Variants in SCHIP1 observed in about 807,000 individuals in gnomAD.
The protein encoded by SCHIP1 is schwannomin-interacting protein 1.
In SCHIP1, 8 loss-of-function variants were observed where a neutral mutation model predicts 29.7. The observed-to-expected ratio is 0.27, with a 90% confidence interval of 0.16 to 0.49. SCHIP1 has a LOEUF of 0.49. Among genes scored for constraint, SCHIP1 ranks in the 20% least tolerant of loss-of-function variants. SCHIP1 has a pLI of 0.99. For missense variants in SCHIP1, 193 were observed against 294.6 expected (o/e 0.66, Z 2.52); for synonymous variants, 76 against 94.9 (o/e 0.80, Z 1.16).
the SCHIP1 span, among the ~76,000 whole-genome samples, chr3:159,635,499 ATATAAT>A: frequency 2.0e-5 from 3 of 152,196 alleles, no homozygotes; most frequent in African/African-American, 7.2e-5. Flanking sequence ...CCTGCCTGTA[ATATAAT>A]TATAATATAG....
the SCHIP1 span, among the ~76,000 whole-genome samples, chr3:159,683,902 T>C: frequency 6.6e-6 from 1 of 151,792 alleles, no homozygotes; most frequent in East Asian, 1.9e-4. Flanking sequence ...AAGACTTTGT[T>C]TCCTTTGTGT....
the SCHIP1 span, among the ~76,000 whole-genome samples, chr3:159,695,247 C>G: frequency 6.6e-6 from 1 of 152,176 alleles, no homozygotes; most frequent in East Asian, 1.9e-4. Flanking sequence ...TTCAATCAGG[C>G]CATTCTCAGT....
chr3:159,639,040 A>G, the SCHIP1 span, among the ~76,000 whole-genome samples: 1 of 152,126 alleles, frequency 6.6e-6, no homozygotes, highest in Non-Finnish European at 1.5e-5. Flanking sequence ...ATCTTTTGTA[A>G]TTCTCAACTG....
chr3:159,701,225 T>C, the SCHIP1 span, among the ~76,000 whole-genome samples: 1 of 152,218 alleles, frequency 6.6e-6, no homozygotes, highest in African/African-American at 2.4e-5. Flanking sequence ...CATTCAACTC[T>C]AACATTTTTG....
At chr3:159,782,943 A>G in the SCHIP1 span, among the ~76,000 whole-genome samples, 1 of 152,208 alleles carries the variant, frequency 6.6e-6, no homozygotes, top group East Asian at 1.9e-4. Flanking sequence ...CGATAGCTTC[A>G]TCTGCGGCAG....
At chr3:159,717,857 G>C in the SCHIP1 span, among the ~76,000 whole-genome samples, 1 of 152,198 alleles carries the variant, frequency 6.6e-6, no homozygotes, top group Admixed American at 6.5e-5. Context: ...AGAAAAAGAG[G>C]GAGTCCTCCC....
chr3:159,786,036 C>T, the SCHIP1 span, among the ~76,000 whole-genome samples: 1 of 152,150 alleles, frequency 6.6e-6, no homozygotes, highest in Non-Finnish European at 1.5e-5. Context: ...TTCCCTCCCT[C>T]TATGGGGAAA....
chr3:159,596,499 C>T, the SCHIP1 span, among the ~76,000 whole-genome samples: 498 of 152,168 alleles, frequency 3.3e-3, 3 homozygotes, highest in African/African-American at 0.011. Context: ...CACATGCACA[C>T]GTATGTTTAT....
chr3:159,402,106 A>G, the SCHIP1 span, among the ~76,000 whole-genome samples: 4 of 152,224 alleles, frequency 2.6e-5, no homozygotes, highest in African/African-American at 7.2e-5. Flanking sequence ...CAACCCCATC[A>G]AAAAGTGGAC....
the SCHIP1 span, among the ~76,000 whole-genome samples, chr3:159,796,545 A>G: frequency 6.6e-6 from 1 of 152,302 alleles, no homozygotes; most frequent in African/African-American, 2.4e-5. Flanking sequence ...GACTGGAGCA[A>G]TGACATCTGC....
At chr3:159,427,023 T>C in the SCHIP1 span, among the ~76,000 whole-genome samples, 3 of 152,220 alleles carry the variant, frequency 2.0e-5, no homozygotes, top group Non-Finnish European at 1.5e-5. Context: ...TAGGTATTGA[T>C]GGGACGTATC....
At chr3:159,507,221 T>A in the SCHIP1 span, among the ~76,000 whole-genome samples, 248 of 152,270 alleles carry the variant, frequency 1.6e-3, 1 homozygote, top group South Asian at 0.026. Flanking sequence ...TTTATTCTCT[T>A]TGAAGCAATT....
the SCHIP1 span, among the ~76,000 whole-genome samples, chr3:159,348,852 C>T: frequency 6.6e-6 from 1 of 152,152 alleles, no homozygotes; most frequent in African/African-American, 2.4e-5. Flanking sequence ...TTGAACTGTC[C>T]TGGGGAAATA....
chr3:159,830,533 A>G, the SCHIP1 span, among the ~76,000 whole-genome samples: 7 of 152,232 alleles, frequency 4.6e-5, no homozygotes, highest in Non-Finnish European at 8.8e-5. Flanking sequence ...AAATTAATTT[A>G]CATAGGTTAT....
chr3:159,549,149 G>A, the SCHIP1 span, among the ~76,000 whole-genome samples: 16 of 152,144 alleles, frequency 1.1e-4, no homozygotes, highest in Non-Finnish European at 1.6e-4. Context: ...CTCATGCAAT[G>A]CATGACCCAG....
the SCHIP1 span, among the ~76,000 whole-genome samples, chr3:159,503,656 C>G: frequency 5.3e-5 from 8 of 152,220 alleles, no homozygotes; most frequent in Admixed American, 3.3e-4. Context: ...ACATGGCTCT[C>G]AGGTAAAAAG....
At chr3:159,455,669 C>A in the SCHIP1 span, among the ~76,000 whole-genome samples, 2 of 152,136 alleles carry the variant, frequency 1.3e-5, no homozygotes, top group African/African-American at 2.4e-5. Context: ...TAATGATAGG[C>A]CCAATCCTAA....
the SCHIP1 span, chr3:159,765,218 G>A: frequency 9.2e-6 from 13 of 1,413,518 alleles, no homozygotes; most frequent in Non-Finnish European, 1.1e-5. Flanking sequence ...CCCTCCCTGC[G>A]CTCCCGCCCG....
At chr3:159,649,373 T>G in the SCHIP1 span, among the ~76,000 whole-genome samples, 1 of 152,164 alleles carries the variant, frequency 6.6e-6, no homozygotes, top group Non-Finnish European at 1.5e-5. Context: ...TATTCAAATT[T>G]ATAATAAACA....
Sources: gnomAD v4.1 joint callset for allele counts (sites outside exome capture counted in the v4.1 genomes callset) on GRCh38, gnomAD v4.1.1 for gene constraint, MANE v1.5 for transcripts, NCBI Gene and HGNC (gene_info 2026-07-23, HGNC 2026-07-21) for gene names.